Variants in TBC1D4 observed in about 807,000 individuals in gnomAD.
TBC1D4 encodes the protein TBC1 domain family member 4.
A neutral mutation model predicts 142.5 loss-of-function variants in TBC1D4; 121 were observed. The observed-to-expected ratio is 0.85, with a 90% CI of 0.73 to 0.99. The LOEUF is 0.99. Ranked by LOEUF, TBC1D4 falls within the 50% of genes least tolerant of loss-of-function variation. The pLI, the probability that TBC1D4 is intolerant of heterozygous loss-of-function variation, is 0.00. For missense variants in TBC1D4, 1,475 were observed against 1,606.6 expected, an observed-to-expected ratio of 0.92 and a Z score of 1.40; for synonymous variants, 630 against 628.2, an observed-to-expected ratio of 1.00 and a Z score of -0.04.
At chr13:75,434,766 A>G (rs1886728963) in intron 1 of TBC1D4, among the ~76,000 whole-genome samples, 1 of 152,080 alleles carries the variant, frequency 6.6e-6, no homozygotes, top group African/African-American at 2.4e-5. Flanking sequence ...CAAAATCTGT[A>G]AAACAAAAAA....
At chr13:75,386,205 T>C (rs1884158137) in intron 1 of TBC1D4, among the ~76,000 whole-genome samples, 3 of 152,148 alleles carry the variant, frequency 2.0e-5, no homozygotes, top group Non-Finnish European at 2.9e-5. Context: ...ATTAAAGCCT[T>C]GAGCAATAAA....
chr13:75,379,046 G>T (rs1398254827), intron 1 of TBC1D4, among the ~76,000 whole-genome samples: 1 of 151,854 alleles, frequency 6.6e-6, no homozygotes, highest in Non-Finnish European at 1.5e-5. Flanking sequence ...ACTAATTTAG[G>T]TGTTGAGCAA....
At chr13:75,411,903 T>G (rs556657133) in intron 1 of TBC1D4, among the ~76,000 whole-genome samples, 1 of 152,134 alleles carries the variant, frequency 6.6e-6, no homozygotes, top group Non-Finnish European at 1.5e-5. Context: ...ATTTGCAATA[T>G]TAACTTTAGT....
chr13:75,466,830 C>T (rs914513178), intron 1 of TBC1D4, among the ~76,000 whole-genome samples: 1 of 151,474 alleles, frequency 6.6e-6, no homozygotes, highest in African/African-American at 2.4e-5. Flanking sequence ...AAAATCATGC[C>T]ACTGCACTCC....
Position 75,481,677 on chromosome 13 carries a change from G to T in TBC1D4, c.91C>A (p.Pro31Thr). 1.9e-6 allele frequency: 3 copies of T among 1,601,024 alleles called. No individual in the cohort carries two copies. Among genetic ancestry groups the T allele is most frequent in the Non-Finnish European group, 2.6e-6 (3 of 1,174,594 alleles). ...GVSAQPGPGK[P>T]SDKRFRLWYV... ...CACAGCCGGAACCGCTTATCGCTTGGCTTCCCGGGGCCGGGCTGAGCTGAG... is the reference window on the plus strand; with the variant it reads ...CACAGCCGGAACCGCTTATCGCTTGTCTTCCCGGGGCCGGGCTGAGCTGAG... The change falls in exon 1 of 21, where the codon CCA becomes ACA. Residue 31 changes from proline (P) to threonine (T), a missense_variant. Physicochemically the swap from Pro to Thr is conservative, Grantham distance 38 (BLOSUM62 -1). Transcript: ENST00000377636.
chr13:75,393,116 T>TAC (rs34205789), intron 1 of TBC1D4, among the ~76,000 whole-genome samples: 43,836 of 141,224 alleles, frequency 0.31, 7,399 homozygotes, highest in East Asian at 0.67. Flanking sequence ...TAAATTAAAA[T>TAC]ACACACACAC....
In TBC1D4 at chr13:75,377,763, T is replaced by C. The variant is rs570283555; in HGVS notation, c.499-15156A>G. ...GTATGTGTGTGTGCATCTATCTATC[T>C]ATCCATTTATCTATCTATATTAAAC... On this transcript the variant is annotated intron_variant, in intron 1 of 20. Transcript: ENST00000377636. 2.9e-3 allele frequency among the ~76,000 whole-genome samples: 431 copies of C among 150,866 alleles called. 3 individuals are homozygous for C. Among genetic ancestry groups the C allele is most frequent in the Admixed American group, 5.9e-3 (89 of 15,098 alleles).
intron 17 of TBC1D4, among the ~76,000 whole-genome samples, chr13:75,297,615 G>A (rs4885285): frequency 0.49 from 74,668 of 151,728 alleles, 19,179 homozygotes; most frequent in Non-Finnish European, 0.56. Flanking sequence ...AATTTAGCAG[G>A]GTATGGTAGT....
intron 16 of TBC1D4, among the ~76,000 whole-genome samples, chr13:75,300,512 A>G (rs1566352079): frequency 6.6e-6 from 1 of 151,592 alleles, no homozygotes; most frequent in Non-Finnish European, 1.5e-5. Context: ...CTTAAAAGTG[A>G]TTTTTTTTTC....
At chr13:75,326,043 G>A (rs891970331) in intron 10 of TBC1D4, among the ~76,000 whole-genome samples, 154 bp downstream of exon 10, 2 of 152,058 alleles carry the variant, frequency 1.3e-5, no homozygotes, top group African/African-American at 2.4e-5. Flanking sequence ...TGCCTGTTTC[G>A]CCTAGTAAAT....
intron 1 of TBC1D4, among the ~76,000 whole-genome samples, chr13:75,451,792 A>AT (rs1394112222): frequency 6.7e-6 from 1 of 149,454 alleles, no homozygotes; most frequent in East Asian, 1.9e-4. Flanking sequence ...TATAATATAC[A>AT]CTAAATATAT....
At chr13:75,363,673 C>T (rs1006252964) in intron 1 of TBC1D4, among the ~76,000 whole-genome samples, 6 of 152,178 alleles carry the variant, frequency 3.9e-5, no homozygotes, top group African/African-American at 1.4e-4. Context: ...CCTAACCACC[C>T]TGGGGACATG....
chr13:75,341,592 G>C lies in TBC1D4; in HGVS notation c.1409-5C>G, dbSNP rs148505665. On this transcript the variant is annotated splice_region_variant and splice_polypyrimidine_tract_variant and intron_variant, in intron 5 of 20. Coordinates refer to ENST00000377636, the MANE Select transcript of TBC1D4 (RefSeq NM_014832.5). ...TGGCTCTTGGTGGGTAGAGACCTAA[G>C]GAAAATGATGAGGGAAGGTATTAAA... The C allele has an allele frequency of 1.2e-6, 2 of 1,610,428 alleles. No individual in the cohort carries two copies. The highest frequency in any genetic ancestry group is 2.7e-5 in the African/African-American group (2 of 74,892).
At chr13:75,296,246 A>G (rs1875908442) in intron 17 of TBC1D4, among the ~76,000 whole-genome samples, 2 of 150,440 alleles carry the variant, frequency 1.3e-5, no homozygotes, top group East Asian at 1.9e-4. Context: ...AATCATGTTG[A>G]AAAAAAACAT....
intron 4 of TBC1D4, among the ~76,000 whole-genome samples, chr13:75,351,482 A>G (rs988757367): frequency 6.6e-6 from 1 of 152,022 alleles, no homozygotes; most frequent in African/African-American, 2.4e-5. Context: ...GGTTAGTTAC[A>G]TATGTATACA....
At chr13:75,456,139 T>A (rs1029931789) in intron 1 of TBC1D4, among the ~76,000 whole-genome samples, 1 of 152,078 alleles carries the variant, frequency 6.6e-6, no homozygotes, top group African/African-American at 2.4e-5. Context: ...ATAGGCTTAG[T>A]GTCCAATATA....
chr13:75,473,781 C>T (rs1888513558), intron 1 of TBC1D4, among the ~76,000 whole-genome samples: 1 of 152,156 alleles, frequency 6.6e-6, no homozygotes, highest in Non-Finnish European at 1.5e-5. Context: ...TGAAATGAAA[C>T]CAACCAAAGT....
In TBC1D4 at chr13:75,386,115, T is replaced by G. The variant is rs1045353283; in HGVS notation, c.499-23508A>C. ...AAAAGGATGAGTGAAGTTAACACAC[T>G]GCTGCATTAATGAATATCAATATCT... On this transcript the variant is annotated intron_variant, in intron 1 of 20. Transcript: ENST00000377636. Among the ~76,000 whole-genome samples, 20 of 152,296 alleles carry G rather than the reference T, an allele frequency of 1.3e-4. No homozygotes were observed. In the East Asian group the frequency reaches 3.7e-3, roughly 28 times the overall value.
At chr13:75,410,105 A>G (rs2138392865) in intron 1 of TBC1D4, among the ~76,000 whole-genome samples, 2 of 152,372 alleles carry the variant, frequency 1.3e-5, no homozygotes, top group Middle Eastern at 3.4e-3. Context: ...TGAGGTTTAA[A>G]TAAGCTAATG....
Sources: allele counts gnomAD v4.1 joint callset (sites outside exome capture counted in the v4.1 genomes callset), GRCh38; gene constraint gnomAD v4.1.1; transcripts MANE v1.5; gene names NCBI Gene and HGNC (gene_info 2026-07-23, HGNC 2026-07-21).